CCDC38: variants seen among roughly 807,000 people sequenced by gnomAD.
CCDC38 encodes the protein coiled-coil domain-containing protein 38.
Under a neutral mutation model 72.8 loss-of-function variants are expected in CCDC38, and 69 were observed. The observed-to-expected ratio is 0.95, with a 90% CI of 0.78 to 1.16. CCDC38 has a LOEUF of 1.16. Ranked by LOEUF, CCDC38 falls within the 50% of genes most tolerant of loss-of-function variation. The pLI is 0.00. For synonymous variants in CCDC38, 201 were observed against 213.2 expected (o/e 0.94, Z 0.50); for missense variants, 626 against 638.9 (o/e 0.98, Z 0.22).
At chr12:95,934,459 C>G (rs1327287028) in intron 2 of CCDC38, 3 of 152,134 alleles carry the variant, frequency 2.0e-5, no homozygotes, top group African/African-American at 4.8e-5. Flanking sequence ...TCGTTTGTCT[C>G]TGACCCAAGA....
chr12:95,920,242 C>T (rs1003329290), intron 2 of CCDC38, among the ~76,000 whole-genome samples: 19 of 152,112 alleles, frequency 1.2e-4, no homozygotes, highest in African/African-American at 4.6e-4. Context: ...GAATAAGTCT[C>T]ATGAGATCTG....
chr12:95,936,579 G>C, intron 1 of CCDC38, 56 bp from the exon 2 acceptor site: 1 of 1,455,978 alleles, frequency 6.9e-7, no homozygotes, highest in Admixed American at 1.8e-5. Flanking sequence ...TCATATAAAA[G>C]GGCTAAATTC....
chr12:95,883,326 CT>C (rs2079722216), intron 10 of CCDC38, among the ~76,000 whole-genome samples: 1 of 152,208 alleles, frequency 6.6e-6, no homozygotes, highest in Admixed American at 6.5e-5. Context: ...CCCCAGGGCC[CT>C]TGGGACAAAG....
At chr12:95,938,621 C>T (rs367864281) in intron 1 of CCDC38, among the ~76,000 whole-genome samples, 129 of 152,280 alleles carry the variant, frequency 8.5e-4, no homozygotes, top group African/African-American at 2.4e-3. Context: ...CAGCAGTCTC[C>T]AGATGTTGTT....
At chr12:95,888,320 CA>C in intron 10 of CCDC38, 137 bp downstream of exon 10, 1 of 740,874 alleles carries the variant, frequency 1.3e-6, no homozygotes. Flanking sequence ...CAGGAGTGCA[CA>C]GAAATGGCAC....
At position 95,904,791 on chromosome 12, in the gene CCDC38, G is replaced by C. The variant is rs1233287796; in HGVS notation, c.369+1596C>G. ...TCTAAGTCCCATTGTTAATATTTCT[G>C]GGATGGGCAGCCTCCACCCTAAGAC... On this transcript the variant is annotated intron_variant, in intron 5 of 15. Coordinates refer to ENST00000344280, the MANE Select transcript of CCDC38 (RefSeq NM_182496.3). 2.0e-5 allele frequency among the ~76,000 whole-genome samples: 3 copies of C among 152,272 alleles called. No homozygotes were observed. In the East Asian group the frequency reaches 5.8e-4, roughly 29 times the overall value.
rs746393160 is a variant in CCDC38, at chr12:95,917,174, C to G, written c.259G>C (p.Glu87Gln). 6.2e-7 allele frequency: 1 copy of G among 1,605,006 alleles called. No individual in the cohort carries two copies. Among genetic ancestry groups the G allele is most frequent in the Non-Finnish European group, 8.5e-7 (1 of 1,178,276 alleles). The change falls in exon 4 of 16, where the codon GAA (glutamate) becomes CAA (glutamine). Residue 87 changes from glutamate (E) to glutamine (Q), a missense_variant. Physicochemically the swap from Glu to Gln is conservative, Grantham distance 29. Coordinates refer to ENST00000344280, the MANE Select transcript of CCDC38 (RefSeq NM_182496.3). ...FYPKRSGRSF[E>Q]KFGPGPAPIP... ...GGAGCAGGACCTGGCCCAAACTTTT[C>G]AAATGACCTACCACTCCTTTTAGGG...
At chr12:95,902,910 T>C (rs993049092) in intron 5 of CCDC38, among the ~76,000 whole-genome samples, 2 of 152,158 alleles carry the variant, frequency 1.3e-5, no homozygotes, top group Non-Finnish European at 2.9e-5. Context: ...TTTCAATTTC[T>C]ACAAGAAAGA....
At chr12:95,890,056 C>T (rs1013371672) in intron 9 of CCDC38, among the ~76,000 whole-genome samples, 60 of 152,158 alleles carry the variant, frequency 3.9e-4, no homozygotes, top group African/African-American at 1.4e-3. Flanking sequence ...GGACTATAGG[C>T]GTATACCACC....
chr12:95,900,953 G>T (rs2079944096), intron 5 of CCDC38, among the ~76,000 whole-genome samples: 1 of 152,202 alleles, frequency 6.6e-6, no homozygotes, highest in Non-Finnish European at 1.5e-5. Flanking sequence ...AGGTCAGAGA[G>T]TAAGCTGGGG....
intron 5 of CCDC38, among the ~76,000 whole-genome samples, chr12:95,901,345 G>A (rs74515589): frequency 0.027 from 4,083 of 152,122 alleles, 192 homozygotes; most frequent in African/African-American, 0.093. Flanking sequence ...TATTAGGGGC[G>A]GAGTTTAGGA....
intron 10 of CCDC38, among the ~76,000 whole-genome samples, chr12:95,886,681 T>C (rs779657109): frequency 2.0e-5 from 3 of 152,152 alleles, no homozygotes; most frequent in South Asian, 2.1e-4. Flanking sequence ...CATCAGAGGA[T>C]ATAAAGATGC....
At chr12:95,912,704 A>G (rs975086373) in intron 4 of CCDC38, among the ~76,000 whole-genome samples, 13 of 152,196 alleles carry the variant, frequency 8.5e-5, no homozygotes, top group Non-Finnish European at 8.8e-5. Context: ...GTATACATGT[A>G]TTGAAACATC....
rs1490792183 is a variant in CCDC38 at position 95,918,953 on chromosome 12, T to C, written c.61A>G (p.Lys21Glu). 1.2e-6 allele frequency: 2 copies of C among 1,609,802 alleles called. No individual in the cohort carries two copies. Among genetic ancestry groups the C allele is most frequent in the East Asian group, 2.2e-5 (1 of 44,864 alleles). Residue 21 changes from lysine to glutamate, a missense_variant, in exon 3 of 16, where the codon AAA (lysine) becomes GAA (glutamate). By Grantham distance (56) the Lys-to-Glu change is moderately conservative (BLOSUM62 1). Coordinates refer to ENST00000344280, the MANE Select transcript of CCDC38 (RefSeq NM_182496.3). ...SGGKVKDGST[K>E]EDRPYKIFFR... Reference sequence around the variant, plus strand: ...AAGATCTTATAAGGCCTGTCCTCTTTGGTTGAGCCATCTTTTACTTTACCT... The same window carrying C: ...AAGATCTTATAAGGCCTGTCCTCTTCGGTTGAGCCATCTTTTACTTTACCT...
At chr12:95,904,112 A>G (rs2079977451) in intron 5 of CCDC38, among the ~76,000 whole-genome samples, 1 of 152,190 alleles carries the variant, frequency 6.6e-6, no homozygotes, top group Non-Finnish European at 1.5e-5. Flanking sequence ...GGTAGTTTGC[A>G]TCTTTCAAGG....
chr12:95,913,087 A>C (rs2080111635), intron 4 of CCDC38, among the ~76,000 whole-genome samples: 1 of 152,126 alleles, frequency 6.6e-6, no homozygotes. Flanking sequence ...TAAAAGCAAA[A>C]AAAATGCAAA....
chr12:95,868,056 G>A (rs969117609), intron 15 of CCDC38, among the ~76,000 whole-genome samples: 3 of 152,088 alleles, frequency 2.0e-5, no homozygotes, highest in Non-Finnish European at 2.9e-5. Flanking sequence ...CTGCAATATC[G>A]GAATTTTTAA....
At chr12:95,910,342 A>G (rs1191455076) in intron 4 of CCDC38, among the ~76,000 whole-genome samples, 1 of 151,894 alleles carries the variant, frequency 6.6e-6, no homozygotes, top group Non-Finnish European at 1.5e-5. Flanking sequence ...CAAAATACCT[A>G]TGGATATTTG....
intron 4 of CCDC38, among the ~76,000 whole-genome samples, chr12:95,909,313 A>G (rs888328570): frequency 1.3e-5 from 2 of 152,210 alleles, no homozygotes; most frequent in African/African-American, 4.8e-5. Flanking sequence ...AAATAGATAA[A>G]TTCCTGGAAA....
Sources: allele counts gnomAD v4.1 joint callset (sites outside exome capture counted in the v4.1 genomes callset), GRCh38; gene constraint gnomAD v4.1.1; transcripts MANE v1.5; gene names NCBI Gene and HGNC (gene_info 2026-07-23, HGNC 2026-07-21).